PRSS3: variants seen among roughly 807,000 people sequenced by gnomAD.
PRSS3 encodes the protein trypsin-3.
In PRSS3, 14 loss-of-function variants were observed where a neutral mutation model predicts 20.8. The observed-to-expected ratio is 0.67, with a 90% CI of 0.44 to 1.05. PRSS3 has a LOEUF of 1.05. Ranked by LOEUF, PRSS3 falls within the 50% of genes least tolerant of loss-of-function variation. The pLI is 0.00. For synonymous variants in PRSS3, 91 were observed against 117.6 expected, an observed-to-expected ratio of 0.77 and a Z score of 1.46; for missense variants, 237 against 306.4, an observed-to-expected ratio of 0.77 and a Z score of 1.69.
intron 1 of PRSS3, among the ~76,000 whole-genome samples, chr9:33,760,306 CT>C (rs1209625103): frequency 6.6e-6 from 1 of 151,860 alleles, no homozygotes; most frequent in Non-Finnish European, 1.5e-5. Context: ...TAGCCATAGC[CT>C]TAGTTTCATC....
intron 1 of PRSS3, among the ~76,000 whole-genome samples, chr9:33,788,548 T>G (rs1824504277): frequency 6.6e-6 from 1 of 152,180 alleles, no homozygotes; most frequent in Non-Finnish European, 1.5e-5. Context: ...TTTCTCCTCT[T>G]ACCTTCAAAC....
chr9:33,768,164 C>G (rs942230560), intron 1 of PRSS3, among the ~76,000 whole-genome samples: 6 of 152,130 alleles, frequency 3.9e-5, no homozygotes, highest in African/African-American at 1.4e-4. Context: ...GCCTAAATTG[C>G]CTTAAAGAGA....
Position 33,789,782 on chromosome 9 carries a change from C to T in PRSS3, c.-52-4964C>T, listed in dbSNP as rs529402229. Among the ~76,000 whole-genome samples, 5 of 152,266 alleles carry T rather than the reference C, an allele frequency of 3.3e-5. No individual in the cohort carries two copies. The South Asian group carries it at 6.2e-4, about 19-fold the overall frequency. On this transcript the variant is annotated intron_variant, in intron 1 of 5. Coordinates refer to the PRSS3 transcript ENST00000342836. ...AGCACCTTCCTATATTACAAAATTGCCTCTTTAAAAGCAGTAAAGCACTGT... is the reference window on the plus strand; with the variant it reads ...AGCACCTTCCTATATTACAAAATTGTCTCTTTAAAAGCAGTAAAGCACTGT...
At chr9:33,781,397 GC>G in intron 1 of PRSS3, among the ~76,000 whole-genome samples, 1 of 152,280 alleles carries the variant, frequency 6.6e-6, no homozygotes, top group Admixed American at 6.5e-5. Context: ...AGAGCTGAAG[GC>G]CATAGTCCTA....
At chr9:33,779,460 G>A (rs1009161474) in intron 1 of PRSS3, among the ~76,000 whole-genome samples, 5 of 152,142 alleles carry the variant, frequency 3.3e-5, no homozygotes, top group African/African-American at 1.2e-4. Flanking sequence ...TGTAAATTCT[G>A]CTGTAAATTA....
chr9:33,754,915 T>A, intron 1 of PRSS3, among the ~76,000 whole-genome samples: 1 of 152,346 alleles, frequency 6.6e-6, no homozygotes, highest in Admixed American at 6.5e-5. Flanking sequence ...GCTAGCAGCA[T>A]CTGCCATAGT....
At chr9:33,794,971 C>G (rs1354545658), upstream of PRSS3, 2 of 1,473,296 alleles carry the variant, frequency 1.4e-6, no homozygotes, top group East Asian at 5.0e-5. Context: ...GCCCAGAATC[C>G]TATGGAATGC....
In PRSS3 at chr9:33,765,903, C is replaced by T. The variant is rs571550147; in HGVS notation, c.-53+15176C>T. On this transcript the variant is annotated intron_variant, in intron 1 of 5. Transcript: ENST00000342836. ...GCATCATTATTCATAACAATTCAAA[C>T]GTCCATCTACTAACAAGTGAATAAA... 2.6e-5 allele frequency among the ~76,000 whole-genome samples: 4 copies of T among 152,222 alleles called. No homozygotes were observed. In the East Asian group the frequency reaches 5.8e-4, roughly 22 times the overall value.
chr9:33,796,673 T>C lies in PRSS3; in HGVS notation c.71T>C (p.Ile24Thr), dbSNP rs1244532474. 2 of 1,613,286 alleles carry C rather than the reference T, an allele frequency of 1.2e-6. No homozygotes were observed. Among genetic ancestry groups the C allele is most frequent in the East Asian group, 2.2e-5 (1 of 44,866 alleles). The change falls in exon 2 of 5, where the codon ATT becomes ACT. Residue 24 changes from isoleucine to threonine, a missense_variant. Transcript: ENST00000379405. ...GTCCCCTTTGACGATGATGACAAGA[T>C]TGTTGGGGGCTACACCTGTGAGGAG... is the stretch of plus-strand genomic sequence containing the variant. ...VAVPFDDDDK[I>T]VGGYTCEENS...
At chr9:33,784,085 T>C (rs771612521) in intron 1 of PRSS3, among the ~76,000 whole-genome samples, 4 of 152,186 alleles carry the variant, frequency 2.6e-5, no homozygotes, top group Admixed American at 1.3e-4. Flanking sequence ...ACATTAAAAT[T>C]AAATGAGAGT....
chr9:33,769,457 G>A (rs570366645), intron 1 of PRSS3, among the ~76,000 whole-genome samples: 4 of 152,202 alleles, frequency 2.6e-5, no homozygotes, highest in Non-Finnish European at 5.9e-5. Context: ...GATTGCATAG[G>A]AGGCCAACAA....
chr9:33,771,184 G>C (rs1823673278), intron 1 of PRSS3, among the ~76,000 whole-genome samples: 1 of 152,000 alleles, frequency 6.6e-6, no homozygotes, highest in Non-Finnish European at 1.5e-5. Context: ...TTCTTTCTTT[G>C]TTATTGAAAT....
At chr9:33,765,184 C>A (rs529398387) in intron 1 of PRSS3, among the ~76,000 whole-genome samples, 1 of 152,220 alleles carries the variant, frequency 6.6e-6, no homozygotes, top group East Asian at 1.9e-4. Context: ...GTTCCAAGAC[C>A]CCCAGTGGAT....
At chr9:33,751,263 A>G (rs1279594455) in intron 1 of PRSS3, among the ~76,000 whole-genome samples, 1 of 152,200 alleles carries the variant, frequency 6.6e-6, no homozygotes, top group Non-Finnish European at 1.5e-5. Context: ...ATACACAAAT[A>G]CATGAGCCAG....
chr9:33,757,502 T>C (rs1823004086), intron 1 of PRSS3, among the ~76,000 whole-genome samples: 1 of 151,420 alleles, frequency 6.6e-6, no homozygotes, highest in Admixed American at 6.6e-5. Flanking sequence ...CTGGGAAAGG[T>C]TTAGATCACG....
intron 3 of PRSS3, 21 bp downstream of exon 3, chr9:33,798,103 T>C (rs1825105518): frequency 1.2e-6 from 2 of 1,614,248 alleles, no homozygotes; most frequent in Non-Finnish European, 1.7e-6. Context: ...CCCTTTGTCC[T>C]TCTACTTCCC....
intron 1 of PRSS3, among the ~76,000 whole-genome samples, chr9:33,752,009 A>G (rs1453684484): frequency 2.0e-5 from 3 of 152,180 alleles, no homozygotes; most frequent in African/African-American, 7.2e-5. Context: ...GCCTGAGATA[A>G]GCAAAAGGTG....
chr9:33,755,305 A>G (rs1325646277), intron 1 of PRSS3, among the ~76,000 whole-genome samples: 1 of 152,174 alleles, frequency 6.6e-6, no homozygotes, highest in Non-Finnish European at 1.5e-5. Context: ...ATAGCCTTAG[A>G]AGTCGTTCAT....
intron 1 of PRSS3, among the ~76,000 whole-genome samples, chr9:33,778,049 A>G (rs1824019643): frequency 9.2e-5 from 1 of 10,918 alleles, no homozygotes; most frequent in Non-Finnish European, 2.0e-4. Flanking sequence ...TCTAACATTA[A>G]AAAAATCAAT....
Sources: gnomAD v4.1 joint callset for allele counts (sites outside exome capture counted in the v4.1 genomes callset) on GRCh38, gnomAD v4.1.1 for gene constraint, MANE v1.5 for transcripts, NCBI Gene and HGNC (gene_info 2026-07-23, HGNC 2026-07-21) for gene names.